EPC2: variants seen among roughly 807,000 people sequenced by gnomAD.
The protein encoded by EPC2 is enhancer of polycomb homolog 2.
A neutral mutation model predicts 92.1 loss-of-function variants in EPC2; 14 were observed. The ratio of observed to expected loss-of-function variants is 0.15; its 90% CI spans 0.10 to 0.24. The LOEUF is 0.24. Among genes scored for constraint, EPC2 ranks in the 10% least tolerant of loss-of-function variants. The pLI, the probability that EPC2 is intolerant of heterozygous loss-of-function variation, is 1.00. For missense variants in EPC2, 755 were observed against 971.5 expected, an observed-to-expected ratio of 0.78 and a Z score of 2.96; for synonymous variants, 340 against 334.7, an observed-to-expected ratio of 1.02 and a Z score of -0.17.
At chr2:148,738,149 ACTC>A (rs1444379634) in intron 2 of EPC2, among the ~76,000 whole-genome samples, 4 of 151,716 alleles carry the variant, frequency 2.6e-5, no homozygotes, top group Admixed American at 2.0e-4. Context: ...AACAACAAAA[ACTC>A]CTTTGCTTTT....
At chr2:148,726,763 T>G (rs1320745318) in intron 2 of EPC2, among the ~76,000 whole-genome samples, 22 of 126,820 alleles carry the variant, frequency 1.7e-4, no homozygotes, top group African/African-American at 5.2e-4. Flanking sequence ...GTTTTGTTTT[T>G]TGTTTTTTTT....
chr2:148,679,483 A>AT (rs1446900539), intron 1 of EPC2, among the ~76,000 whole-genome samples: 2 of 152,212 alleles, frequency 1.3e-5, no homozygotes. Context: ...GCAAGGTGAC[A>AT]TTGTATATTT....
intron 1 of EPC2, among the ~76,000 whole-genome samples, chr2:148,669,268 G>A (rs1175433977): frequency 1.3e-5 from 2 of 152,042 alleles, no homozygotes; most frequent in African/African-American, 4.8e-5. Flanking sequence ...CCACCTTTTG[G>A]ATTGAATATT....
intron 1 of EPC2, among the ~76,000 whole-genome samples, chr2:148,666,754 T>TC (rs1176366362): frequency 2.0e-5 from 3 of 152,186 alleles, no homozygotes; most frequent in African/African-American, 7.2e-5. Flanking sequence ...TCTGGTTCCA[T>TC]CCCAGGCCTA....
chr2:148,713,808 C>T (rs890788335), intron 2 of EPC2, among the ~76,000 whole-genome samples: 1 of 152,226 alleles, frequency 6.6e-6, no homozygotes. Context: ...CAGCATATAG[C>T]ATAGGTTGTA....
At chr2:148,714,653 C>T (rs954173488) in intron 2 of EPC2, among the ~76,000 whole-genome samples, 1 of 152,222 alleles carries the variant, frequency 6.6e-6, no homozygotes, top group Non-Finnish European at 1.5e-5. Flanking sequence ...TTGCATTTCT[C>T]TAATGATCAG....
chr2:148,730,226 T>A (rs1278476440), intron 2 of EPC2, among the ~76,000 whole-genome samples: 1 of 152,292 alleles, frequency 6.6e-6, no homozygotes, highest in East Asian at 1.9e-4. Context: ...CAGGGTCTTT[T>A]AGTACATGTT....
chr2:148,681,446 AT>A (rs1402472485), intron 1 of EPC2, among the ~76,000 whole-genome samples: 1 of 152,252 alleles, frequency 6.6e-6, no homozygotes, highest in East Asian at 1.9e-4. Flanking sequence ...CAAAGGCTAC[AT>A]TTGTTTAATT....
intron 10 of EPC2, among the ~76,000 whole-genome samples, chr2:148,777,941 G>A (rs1683676881): frequency 1.3e-5 from 2 of 152,160 alleles, no homozygotes; most frequent in Admixed American, 6.5e-5. Flanking sequence ...AGAAATGCAA[G>A]TATGTTACTA....
rs150630267 is a variant in EPC2 at position 148,774,362 on chromosome 2, C to T, written c.1720+2975C>T. Among the ~76,000 whole-genome samples the T allele has an allele frequency of 8.9e-4, 136 of 152,146 alleles. 4 individuals are homozygous for T. The East Asian group carries it at 0.023, about 26-fold the overall frequency. On this transcript the variant is annotated intron_variant, in intron 10 of 13. Transcript: ENST00000258484. ...ATATTCTAGGCCGGGCGTGGTGGCTCACGCCTGTAATCCCAGCATTTTGGG... is the reference window on the plus strand; with the variant it reads ...ATATTCTAGGCCGGGCGTGGTGGCTTACGCCTGTAATCCCAGCATTTTGGG...
At position 148,677,284 on chromosome 2, in the gene EPC2, T is replaced by C. The variant is rs559849180; in HGVS notation, c.154-12930T>C. On this transcript the variant is annotated intron_variant, in intron 1 of 13. Transcript: ENST00000258484. ...GTTAAATTGAGGGAGGATGTCATGA[T>C]CTGGCTCCTTAATTTCTGGATTCAG... Among the ~76,000 whole-genome samples, 24 of 152,346 alleles carry C rather than the reference T, an allele frequency of 1.6e-4. No homozygotes were observed. In the East Asian group the frequency reaches 4.4e-3, roughly 28 times the overall value.
rs531067861 is a variant in EPC2, at chr2:148,662,085, A to C, written c.153+16915A>C. Among the ~76,000 whole-genome samples the C allele has an allele frequency of 2.4e-3, 362 of 152,374 alleles. 2 individuals carry two copies. The highest frequency in any genetic ancestry group is 4.0e-3 in the Non-Finnish European group (271 of 68,036). ...GAAAAAATGCTCATCATCACTGGCC[A>C]TCAGAGAAATGCAAATCAAAACTAC... On this transcript the variant is annotated intron_variant, in intron 1 of 13. Coordinates refer to ENST00000258484, the MANE Select transcript of EPC2 (RefSeq NM_015630.4).
At position 148,659,903 on chromosome 2, in the gene EPC2, T is replaced by G. The variant is rs56208717; in HGVS notation, c.153+14733T>G. Among the ~76,000 whole-genome samples, 1,485 of 152,276 alleles carry G rather than the reference T, an allele frequency of 9.8e-3. 24 individuals carry two copies. Among genetic ancestry groups the G allele is most frequent in the African/African-American group, 0.034 (1,394 of 41,560 alleles). ...GTCGTTGGAAAGGTACTCAGCCACC[T>G]AAGCATATCTTGAGGTAGTTAATTT... On this transcript the variant is annotated intron_variant, in intron 1 of 13. Transcript: ENST00000258484.
At chr2:148,722,668 A>G (rs1479442019) in intron 2 of EPC2, among the ~76,000 whole-genome samples, 3 of 152,208 alleles carry the variant, frequency 2.0e-5, no homozygotes, top group Non-Finnish European at 4.4e-5. Context: ...CAATCCCATT[A>G]TTGGGTATAT....
intron 10 of EPC2, among the ~76,000 whole-genome samples, chr2:148,776,234 T>A (rs1250682067): frequency 6.6e-6 from 1 of 152,192 alleles, no homozygotes; most frequent in Non-Finnish European, 1.5e-5. Context: ...TGATTTAACA[T>A]CTAGCTAAGG....
rs1023513507 is a variant in EPC2, at chr2:148,676,073, A to G, written c.154-14141A>G. On this transcript the variant is annotated intron_variant, in intron 1 of 13. Coordinates refer to ENST00000258484, the MANE Select transcript of EPC2 (RefSeq NM_015630.4). ...AAAACAACAACAACAATAACATACT[A>G]CTTCTCTGCATCTTGGTACTCATTG... Among the ~76,000 whole-genome samples the G allele has an allele frequency of 5.3e-5, 8 of 151,676 alleles. No individual in the cohort carries two copies. In the East Asian group the frequency reaches 1.5e-3, roughly 29 times the overall value.
chr2:148,727,913 C>G (rs952549787), intron 2 of EPC2, among the ~76,000 whole-genome samples: 1 of 152,226 alleles, frequency 6.6e-6, no homozygotes, highest in African/African-American at 2.4e-5. Flanking sequence ...AACCACCCCT[C>G]CTTTATAAGT....
intron 1 of EPC2, among the ~76,000 whole-genome samples, chr2:148,663,251 GTC>G (rs886890934): frequency 7.4e-6 from 1 of 135,318 alleles, no homozygotes; most frequent in African/African-American, 2.6e-5. Flanking sequence ...TTGAGACAGA[GTC>G]TCTCGCCCAA....
At chr2:148,676,419 A>G (rs973959764) in intron 1 of EPC2, among the ~76,000 whole-genome samples, 2 of 152,052 alleles carry the variant, frequency 1.3e-5, no homozygotes, top group African/African-American at 2.4e-5. Flanking sequence ...TTAAAATGCA[A>G]TATTTTTATA....
Sources: gnomAD v4.1 joint callset for allele counts (sites outside exome capture counted in the v4.1 genomes callset) on GRCh38, gnomAD v4.1.1 for gene constraint, MANE v1.5 for transcripts, NCBI Gene and HGNC (gene_info 2026-07-23, HGNC 2026-07-21) for gene names.